The following PDE8B variants were observed in gnomAD, a reference collection of about 807,000 sequenced individuals.
The protein encoded by PDE8B is high affinity cAMP-specific and IBMX-insensitive 3',5'-cyclic phosphodiesterase 8B.
Under a neutral mutation model 101.3 loss-of-function variants are expected in PDE8B, and 26 were observed. The ratio of observed to expected loss-of-function variants is 0.26; its 90% CI spans 0.19 to 0.36. The LOEUF (loss-of-function observed/expected upper bound fraction) is 0.36, where lower values mean the gene tolerates loss of function less well. Ranked by LOEUF, PDE8B falls within the 10% of genes least tolerant of loss-of-function variation. The pLI is 1.00. For synonymous variants in PDE8B, 424 were observed against 429.3 expected (o/e 0.99, Z 0.15); for missense variants, 810 against 1,163.1 (o/e 0.70, Z 4.42).
chr5:77,266,704 T>C (rs1409653384), intron 1 of PDE8B, among the ~76,000 whole-genome samples: 1 of 152,196 alleles, frequency 6.6e-6, no homozygotes, highest in Non-Finnish European at 1.5e-5. Context: ...AATGATTCAA[T>C]ATTTATGAAT....
At chr5:77,416,860 A>AC (rs997357379) in intron 17 of PDE8B, among the ~76,000 whole-genome samples, 1 of 151,848 alleles carries the variant, frequency 6.6e-6, no homozygotes, top group African/African-American at 2.4e-5. Flanking sequence ...TGACCTCCCC[A>AC]CCCCCAACAT....
intron 10 of PDE8B, among the ~76,000 whole-genome samples, chr5:77,399,866 T>C (rs557123759): frequency 6.6e-6 from 1 of 152,376 alleles, no homozygotes; most frequent in South Asian, 2.1e-4. Context: ...AGAAAAATTT[T>C]ATAACGTATC....
the PDE8B span, among the ~76,000 whole-genome samples, chr5:77,126,770 C>A: frequency 6.6e-6 from 1 of 152,160 alleles, no homozygotes; most frequent in East Asian, 1.9e-4. Context: ...TTACATTTTG[C>A]TTCTATGAAT....
chr5:77,233,709 T>C (rs1465960210), intron 1 of PDE8B, among the ~76,000 whole-genome samples: 1 of 148,896 alleles, frequency 6.7e-6, no homozygotes, highest in East Asian at 2.1e-4. Context: ...TGCAGTAGAC[T>C]TTTGTTGCAT....
intron 20 of PDE8B, among the ~76,000 whole-genome samples, chr5:77,424,380 GAA>G (rs1469027208): frequency 3.9e-5 from 6 of 152,198 alleles, no homozygotes; most frequent in African/African-American, 1.4e-4. Context: ...ACCTAAAAAT[GAA>G]AGTTACAAAT....
At chr5:77,417,622 G>A (rs368770679) in intron 17 of PDE8B, among the ~76,000 whole-genome samples, 9 of 152,178 alleles carry the variant, frequency 5.9e-5, no homozygotes, top group Admixed American at 2.6e-4. Flanking sequence ...GAGAGCTTTC[G>A]AATTAGGGTT....
Position 77,220,674 on chromosome 5 carries a change from A to G in PDE8B, c.339+9410A>G, listed in dbSNP as rs1455524654. 3.3e-5 allele frequency among the ~76,000 whole-genome samples: 5 copies of G among 152,242 alleles called. No individual in the cohort carries two copies. In the East Asian group the frequency reaches 9.6e-4, roughly 29 times the overall value. On this transcript the variant is annotated intron_variant, in intron 1 of 21. Coordinates refer to ENST00000264917, the MANE Select transcript of PDE8B (RefSeq NM_003719.5). ...TAGCTGGAATATATTTACACTGTTG[A>G]AACAATATTGCTGTGAAAGAAACAT...
chr5:77,359,607 T>C (rs946618959), intron 10 of PDE8B, among the ~76,000 whole-genome samples: 1 of 151,384 alleles, frequency 6.6e-6, no homozygotes, highest in Non-Finnish European at 1.5e-5. Flanking sequence ...AAGTGGGAGG[T>C]GGAGAATGGG....
chr5:77,333,128 G>A (rs770801512), intron 5 of PDE8B, among the ~76,000 whole-genome samples: 18 of 152,090 alleles, frequency 1.2e-4, no homozygotes, highest in Admixed American at 5.2e-4. Flanking sequence ...CTCACGATGC[G>A]TGATAGAAAT....
chr5:77,411,044 G>A (rs1343800877), intron 14 of PDE8B: 2 of 153,048 alleles, frequency 1.3e-5, no homozygotes, highest in African/African-American at 4.8e-5. Flanking sequence ...TCAAGAGCCA[G>A]GATATGGCCA....
intron 10 of PDE8B, among the ~76,000 whole-genome samples, chr5:77,387,433 T>A (rs10805909): frequency 6.6e-6 from 1 of 152,152 alleles, no homozygotes; most frequent in African/African-American, 2.4e-5. Context: ...CAGAGATATC[T>A]GCCGTTACTC....
chr5:77,392,486 T>C (rs1427509012), intron 10 of PDE8B, among the ~76,000 whole-genome samples: 4 of 152,216 alleles, frequency 2.6e-5, no homozygotes, highest in Non-Finnish European at 4.4e-5. Flanking sequence ...GAGGGATGTG[T>C]AGGACAACTG....
chr5:77,112,306 T>C, the PDE8B span: 1 of 152,330 alleles, frequency 6.6e-6, no homozygotes. Flanking sequence ...AAATGGGAAG[T>C]GAAAGACAAA....
chr5:77,249,840 A>C (rs1757705589), intron 1 of PDE8B, among the ~76,000 whole-genome samples: 1 of 152,256 alleles, frequency 6.6e-6, no homozygotes, highest in Non-Finnish European at 1.5e-5. Context: ...CAGAATGAAA[A>C]AAACCATTTG....
intron 1 of PDE8B, among the ~76,000 whole-genome samples, chr5:77,270,747 G>A (rs770960245): frequency 2.6e-5 from 4 of 152,222 alleles, no homozygotes; most frequent in Non-Finnish European, 5.9e-5. Flanking sequence ...AGAAGGAAGA[G>A]CTAACCAGAG....
chr5:77,351,277 G>A, intron 9 of PDE8B, 124 bp downstream of exon 9: 1 of 782,854 alleles, frequency 1.3e-6, no homozygotes. Flanking sequence ...GCTGAATGTA[G>A]TATAGATCGA....
chr5:77,210,858 G>T lies in PDE8B; in HGVS notation c.-68G>T, dbSNP rs1263827967. ...CCGCGGCCGCCCCCTCACTGCAGGT[G>T]GCAGCGGGTGCGCTGGGTCCCGGCG... On this transcript the variant is annotated 5_prime_UTR_variant, in exon 1 of 22. Transcript: ENST00000264917. The surrounding 1 kb of genome is among the most constrained non-coding windows in gnomAD (Gnocchi z 4.9). 63 of 1,154,532 alleles carry T rather than the reference G, an allele frequency of 5.5e-5. No individual in the cohort carries two copies. Among genetic ancestry groups the T allele is most frequent in the Non-Finnish European group, 6.3e-5 (59 of 941,756 alleles). 71.5% of individuals were successfully genotyped at this position (1,154,532 alleles called of 1,614,324 possible).
the PDE8B span, among the ~76,000 whole-genome samples, chr5:77,187,066 T>G: frequency 6.6e-6 from 1 of 152,188 alleles, no homozygotes; most frequent in African/African-American, 2.4e-5. Flanking sequence ...ATGTACACAG[T>G]GTACACAGTT....
chr5:77,110,416 A>G, the PDE8B span, among the ~76,000 whole-genome samples: 2 of 152,220 alleles, frequency 1.3e-5, no homozygotes, highest in African/African-American at 2.4e-5. Flanking sequence ...ATGAAAGGTT[A>G]GGAAAACTAT....
Sources: allele counts gnomAD v4.1 joint callset (sites outside exome capture counted in the v4.1 genomes callset), GRCh38; gene constraint gnomAD v4.1.1; non-coding constraint Gnocchi (gnomAD v3.1); transcripts MANE v1.5; gene names NCBI Gene and HGNC (gene_info 2026-07-23, HGNC 2026-07-21).